The following KSR2 variants were observed in gnomAD, a reference collection of about 807,000 sequenced individuals.
KSR2 encodes kinase suppressor of ras 2.
In KSR2, 25 loss-of-function variants were observed where a neutral mutation model predicts 107.8. The ratio of observed to expected loss-of-function variants is 0.23; its 90% CI spans 0.17 to 0.32. The LOEUF (loss-of-function observed/expected upper bound fraction) is 0.32, where lower values mean the gene tolerates loss of function less well. KSR2 is among the 10% of genes least tolerant of loss of function. The probability of loss-of-function intolerance (pLI) is 1.00; values close to 1 mark genes in which losing one functional copy is unlikely to be tolerated. For synonymous variants in KSR2, 480 were observed against 507.0 expected (o/e 0.95, Z 0.71); for missense variants, 887 against 1,268.9 (o/e 0.70, Z 4.57).
At chr12:117,869,470 G>A (rs996485246) in intron 1 of KSR2, among the ~76,000 whole-genome samples, 1 of 152,174 alleles carries the variant, frequency 6.6e-6, no homozygotes, top group African/African-American at 2.4e-5. Flanking sequence ...GAGGTAGAGC[G>A]GGTAATCACT....
chr12:117,862,615 A>G (rs576172242), intron 1 of KSR2, among the ~76,000 whole-genome samples: 3 of 152,330 alleles, frequency 2.0e-5, no homozygotes, highest in Non-Finnish European at 4.4e-5. Context: ...ACTGCACTCA[A>G]TGCTAACTGA....
intron 4 of KSR2, among the ~76,000 whole-genome samples, chr12:117,733,114 C>T (rs1340956126): frequency 1.3e-5 from 2 of 152,158 alleles, no homozygotes; most frequent in African/African-American, 2.4e-5. Context: ...GAGGCCACAA[C>T]GCGCCATGGC....
At chr12:117,531,884 C>T (rs1875662617) in intron 10 of KSR2, among the ~76,000 whole-genome samples, 177 bp from the exon 11 acceptor site, 1 of 152,144 alleles carries the variant, frequency 6.6e-6, no homozygotes, top group Non-Finnish European at 1.5e-5. Flanking sequence ...GAAACCAGAA[C>T]TCTAAACATC....
At chr12:117,551,487 T>C (rs1471036880) in intron 9 of KSR2, among the ~76,000 whole-genome samples, 1 of 152,170 alleles carries the variant, frequency 6.6e-6, no homozygotes, top group African/African-American at 2.4e-5. Context: ...GGCAGACAGA[T>C]CTTGAGATAA....
chr12:117,961,964 G>A (rs879411328), intron 1 of KSR2, among the ~76,000 whole-genome samples: 4 of 151,960 alleles, frequency 2.6e-5, no homozygotes. Context: ...GGGCAACAAA[G>A]CAAGATACTG....
chr12:117,588,495 G>A (rs1473421892), intron 5 of KSR2, among the ~76,000 whole-genome samples: 1 of 152,168 alleles, frequency 6.6e-6, no homozygotes, highest in Non-Finnish European at 1.5e-5. Context: ...TTGAGCTCAG[G>A]ATCTGCTCTA....
At chr12:117,492,720 T>C (rs926680374) in intron 14 of KSR2, among the ~76,000 whole-genome samples, 1 of 152,168 alleles carries the variant, frequency 6.6e-6, no homozygotes, top group African/African-American at 2.4e-5. Context: ...GCGGGCCAGA[T>C]GGATGTAATC....
intron 13 of KSR2, among the ~76,000 whole-genome samples, chr12:117,526,357 G>T (rs148189427): frequency 6.6e-6 from 1 of 152,166 alleles, no homozygotes; most frequent in Admixed American, 6.5e-5. Flanking sequence ...CAGGGCCAGC[G>T]GGGATTCCCA....
chr12:117,731,343 C>T (rs1312280608), intron 4 of KSR2, among the ~76,000 whole-genome samples: 3 of 139,452 alleles, frequency 2.2e-5, no homozygotes, highest in Admixed American at 1.4e-4. Context: ...GAGGAGCCCC[C>T]CCGCCCAGCA....
chr12:117,840,509 C>A (rs1045587054), intron 3 of KSR2, among the ~76,000 whole-genome samples: 1 of 152,132 alleles, frequency 6.6e-6, no homozygotes, highest in African/African-American at 2.4e-5. Flanking sequence ...AATTATCCTG[C>A]CTCAGCCTCT....
chr12:117,797,181 G>A (rs73215945), intron 3 of KSR2, among the ~76,000 whole-genome samples: 10,789 of 152,222 alleles, frequency 0.071, 459 homozygotes, highest in Non-Finnish European at 0.087. Context: ...ATCTTGGTAT[G>A]CAAATGTTCA....
chr12:117,962,167 A>T (rs890392564), intron 1 of KSR2, among the ~76,000 whole-genome samples: 7 of 150,540 alleles, frequency 4.6e-5, no homozygotes, highest in Admixed American at 2.7e-4. Context: ...AAAAAAAAAA[A>T]AGCTACAATA....
chr12:117,952,039 C>T (rs1189262020), intron 1 of KSR2, among the ~76,000 whole-genome samples: 1 of 152,072 alleles, frequency 6.6e-6, no homozygotes, highest in African/African-American at 2.4e-5. Context: ...AGGATACAAC[C>T]TTTCCGTTAT....
intron 5 of KSR2, among the ~76,000 whole-genome samples, chr12:117,657,788 A>C (rs1230306300): frequency 6.6e-6 from 1 of 152,220 alleles, no homozygotes; most frequent in Non-Finnish European, 1.5e-5. Flanking sequence ...GTTCGTTGCT[A>C]TCTATTCAAA....
At chr12:117,938,927 A>T (rs1285652965) in intron 1 of KSR2, among the ~76,000 whole-genome samples, 3 of 152,074 alleles carry the variant, frequency 2.0e-5, no homozygotes, top group Non-Finnish European at 4.4e-5. Flanking sequence ...CTATTTATGC[A>T]TTTTAAATGA....
chr12:117,692,308 A>G lies in KSR2; in HGVS notation c.987-24650T>C, dbSNP rs186817144. Among the ~76,000 whole-genome samples, 271 of 152,004 alleles carry G rather than the reference A, an allele frequency of 1.8e-3. 1 individual carries two copies. The highest frequency in any genetic ancestry group is 5.8e-3 in the African/African-American group (241 of 41,458). ...TATAATTTTACAAATAGAAAATAAT[A>G]AGCATTGGCAAAGATGTGGAGAAAT... On this transcript the variant is annotated intron_variant, in intron 4 of 19. Transcript: ENST00000339824.
At chr12:117,830,464 A>T (rs151248568) in intron 3 of KSR2, among the ~76,000 whole-genome samples, 1 of 152,094 alleles carries the variant, frequency 6.6e-6, no homozygotes, top group African/African-American at 2.4e-5. Context: ...CAATATACCA[A>T]TGTAACAAAC....
intron 5 of KSR2, among the ~76,000 whole-genome samples, chr12:117,664,838 A>G (rs1593107591): frequency 6.6e-6 from 1 of 152,150 alleles, no homozygotes; most frequent in Non-Finnish European, 1.5e-5. Flanking sequence ...GAATTCTAGC[A>G]CCTGCCTCAC....
intron 4 of KSR2, among the ~76,000 whole-genome samples, chr12:117,707,966 C>G (rs55898150): frequency 0.2 from 30,415 of 152,154 alleles, 3,270 homozygotes; most frequent in African/African-American, 0.25. Flanking sequence ...AGGAGTCCCC[C>G]ATGCAAATTA....
Sources: gnomAD v4.1 joint callset for allele counts (sites outside exome capture counted in the v4.1 genomes callset) on GRCh38, gnomAD v4.1.1 for gene constraint, MANE v1.5 for transcripts, NCBI Gene and HGNC (gene_info 2026-07-23, HGNC 2026-07-21) for gene names.